Variants in GALNT7 observed in about 807,000 individuals in gnomAD.
GALNT7 encodes the protein polypeptide N-acetylgalactosaminyltransferase 7.
Under a neutral mutation model 82.1 loss-of-function variants are expected in GALNT7, and 60 were observed. That is an observed-to-expected ratio of 0.73 (90% CI 0.59 to 0.91). GALNT7 has a LOEUF of 0.91. Ranked by LOEUF, GALNT7 falls within the 40% of genes least tolerant of loss-of-function variation. The pLI is 0.00. For synonymous variants in GALNT7, 243 were observed against 275.1 expected (o/e 0.88, Z 1.15); for missense variants, 660 against 804.2 (o/e 0.82, Z 2.17).
At chr4:173,208,231 T>C (rs1400344312) in intron 1 of GALNT7, among the ~76,000 whole-genome samples, 1 of 152,172 alleles carries the variant, frequency 6.6e-6, no homozygotes, top group Non-Finnish European at 1.5e-5. Flanking sequence ...AAAAGTATAA[T>C]CATGCTGTTT....
chr4:173,225,915 A>G (rs916072678), intron 1 of GALNT7, among the ~76,000 whole-genome samples: 2 of 152,194 alleles, frequency 1.3e-5, no homozygotes, highest in African/African-American at 4.8e-5. Flanking sequence ...CCAACCCCAC[A>G]GAGAGCTCTG....
intron 2 of GALNT7, among the ~76,000 whole-genome samples, chr4:173,270,676 A>C (rs1735689538): frequency 6.6e-6 from 1 of 152,242 alleles, no homozygotes; most frequent in South Asian, 2.1e-4. Context: ...ACTCAGTAAT[A>C]TTTGGAACAT....
chr4:173,318,957 ATT>A (rs1333917716), intron 11 of GALNT7, among the ~76,000 whole-genome samples: 1 of 152,064 alleles, frequency 6.6e-6, no homozygotes, highest in East Asian at 1.9e-4. Context: ...TTTGGTTAAT[ATT>A]TGATATTGTC....
rs1334340402 is a variant in GALNT7 at position 173,292,255 on chromosome 4, T to A, written c.735T>A (p.Ile245=). ...PRKYLAEIVL[I]DDFSNKEHLK... is the part of the protein sequence containing the mutation. ...AATATTTAGCAGAAATTGTGTTAAT[T>A]GACGATTTCAGTAATAAAGGTAATG... Residue 245 remains isoleucine, a synonymous_variant, in exon 3 of 12, where the codon ATT becomes ATA. Transcript: ENST00000265000. The surrounding 1 kb of genome is among the most constrained non-coding windows in gnomAD (Gnocchi z 4.8). 1.3e-6 allele frequency: 2 copies of A among 1,574,784 alleles called. No individual in the cohort carries two copies. The highest frequency in any genetic ancestry group is 8.6e-7 in the Non-Finnish European group (1 of 1,159,122).
At chr4:173,289,729 G>A (rs529211813) in intron 2 of GALNT7, among the ~76,000 whole-genome samples, 46 of 152,276 alleles carry the variant, frequency 3.0e-4, no homozygotes, top group African/African-American at 1.0e-3. Flanking sequence ...TTTCCTGAGA[G>A]CTCACTAATT....
At chr4:173,285,269 G>A (rs1736281519) in intron 2 of GALNT7, among the ~76,000 whole-genome samples, 1 of 152,108 alleles carries the variant, frequency 6.6e-6, no homozygotes, top group Admixed American at 6.5e-5. Flanking sequence ...TGTCATAATG[G>A]TAACTCTTAG....
chr4:173,184,382 C>A (rs1045730271), intron 1 of GALNT7, among the ~76,000 whole-genome samples: 2 of 152,072 alleles, frequency 1.3e-5, no homozygotes, highest in Non-Finnish European at 2.9e-5. Flanking sequence ...AGATCACTCG[C>A]GGTCAGGAGC....
intron 2 of GALNT7, among the ~76,000 whole-genome samples, chr4:173,281,515 A>T (rs776138741): frequency 2.0e-5 from 3 of 151,854 alleles, no homozygotes; most frequent in Non-Finnish European, 2.9e-5. Flanking sequence ...CTTAGCTACC[A>T]TCCATGTTCC....
At chr4:173,183,950 C>T (rs1165128359) in intron 1 of GALNT7, among the ~76,000 whole-genome samples, 1 of 151,996 alleles carries the variant, frequency 6.6e-6, no homozygotes, top group Non-Finnish European at 1.5e-5. Context: ...ACGCTCCTCA[C>T]CTCCCAGACG....
chr4:173,298,009 A>C, intron 5 of GALNT7, 106 bp from the exon 6 acceptor site: 3 of 1,532,088 alleles, frequency 2.0e-6, no homozygotes, highest in Non-Finnish European at 2.6e-6. Context: ...TCTTATGTTG[A>C]ATGTTTATCT....
intron 1 of GALNT7, among the ~76,000 whole-genome samples, chr4:173,184,125 G>A (rs1423691668): frequency 6.6e-6 from 1 of 151,266 alleles, no homozygotes; most frequent in African/African-American, 2.4e-5. Flanking sequence ...CTGGGCGGCG[G>A]GGCAGAGGGG....
At chr4:173,210,820 C>G (rs1444161862) in intron 1 of GALNT7, among the ~76,000 whole-genome samples, 1 of 152,118 alleles carries the variant, frequency 6.6e-6, no homozygotes, top group Non-Finnish European at 1.5e-5. Context: ...TATTAAATAT[C>G]TTTTGTAGAA....
intron 1 of GALNT7, among the ~76,000 whole-genome samples, chr4:173,245,277 A>G (rs1734586124): frequency 6.6e-6 from 1 of 151,934 alleles, no homozygotes; most frequent in African/African-American, 2.4e-5. Flanking sequence ...ATCCATTAAA[A>G]TTTCTGTCAT....
intron 8 of GALNT7, among the ~76,000 whole-genome samples, chr4:173,309,569 T>C (rs1444662543): frequency 6.6e-6 from 1 of 152,188 alleles, no homozygotes; most frequent in African/African-American, 2.4e-5. Context: ...CAAAACAACT[T>C]TGAGGTTTAT....
chr4:173,252,660 C>T (rs2126747715), intron 2 of GALNT7, among the ~76,000 whole-genome samples: 1 of 152,230 alleles, frequency 6.6e-6, no homozygotes, highest in Admixed American at 6.5e-5. Flanking sequence ...AGACTTGAGC[C>T]AAGAATGACT....
chr4:173,225,156 G>T (rs1293827274), intron 1 of GALNT7, among the ~76,000 whole-genome samples: 1 of 152,038 alleles, frequency 6.6e-6, no homozygotes, highest in African/African-American at 2.4e-5. Flanking sequence ...ACCAATCCAT[G>T]ATCTCCTGCC....
chr4:173,179,970 C>T (rs780344349), intron 1 of GALNT7, among the ~76,000 whole-genome samples: 43 of 152,106 alleles, frequency 2.8e-4, no homozygotes, highest in Non-Finnish European at 5.4e-4. Context: ...CATTTATTAT[C>T]GCAAAAATAG....
At chr4:173,298,012 G>A (rs761938068) in intron 5 of GALNT7, 103 bp from the exon 6 acceptor site, 1 of 1,529,042 alleles carries the variant, frequency 6.5e-7, no homozygotes. Context: ...TATGTTGAAT[G>A]TTTATCTAAG....
chr4:173,306,082 T>C (rs1388029388), intron 8 of GALNT7, among the ~76,000 whole-genome samples: 17 of 152,214 alleles, frequency 1.1e-4, no homozygotes. Flanking sequence ...CATCAGTGTT[T>C]TATAGTTTTC....
Sources: allele counts gnomAD v4.1 joint callset (sites outside exome capture counted in the v4.1 genomes callset), GRCh38; gene constraint gnomAD v4.1.1; non-coding constraint Gnocchi (gnomAD v3.1); transcripts MANE v1.5; gene names NCBI Gene and HGNC (gene_info 2026-07-23, HGNC 2026-07-21).